SLC37A3: variants seen among roughly 807,000 people sequenced by gnomAD.
SLC37A3 encodes solute carrier family 37 member 3.
SLC37A3 carries 51 observed loss-of-function variants against 67.1 expected under a neutral mutation model. That is an observed-to-expected ratio of 0.76 (90% CI 0.61 to 0.96). The LOEUF is 0.96. Among genes scored for constraint, SLC37A3 ranks in the 40% least tolerant of loss-of-function variants. The pLI is 0.00. For missense variants in SLC37A3, 508 were observed against 603.0 expected (o/e 0.84, Z 1.65); for synonymous variants, 214 against 231.4 (o/e 0.92, Z 0.68).
chr7:140,381,871 G>A (rs1444881507), intron 2 of SLC37A3, among the ~76,000 whole-genome samples: 3 of 151,490 alleles, frequency 2.0e-5, no homozygotes, highest in African/African-American at 4.9e-5. Flanking sequence ...TTTAGTAGCC[G>A]GGCATGGTGA....
At chr7:140,342,803 C>T (rs567883138) in intron 13 of SLC37A3, among the ~76,000 whole-genome samples, 4 of 152,254 alleles carry the variant, frequency 2.6e-5, no homozygotes, top group South Asian at 2.1e-4. Context: ...TCTGTAGGTT[C>T]GAACTCAGCA....
intron 7 of SLC37A3, 58 bp downstream of exon 7, chr7:140,355,610 A>G: frequency 4.2e-6 from 6 of 1,417,822 alleles, no homozygotes; most frequent in Non-Finnish European, 6.0e-6. Flanking sequence ...ATAAAAAGCA[A>G]TACACATGTG....
chr7:140,364,539 T>C (rs765944908), intron 4 of SLC37A3, 48 bp from the exon 5 acceptor site: 45 of 1,561,852 alleles, frequency 2.9e-5, no homozygotes, highest in East Asian at 1.8e-4. Context: ...TAACACAGTA[T>C]GAAAAAGTAA....
At chr7:140,369,713 C>G in intron 3 of SLC37A3, 31 bp from the exon 4 acceptor site, 5 of 1,579,500 alleles carry the variant, frequency 3.2e-6, no homozygotes, top group Non-Finnish European at 4.3e-6. Context: ...CAGGTCAGTC[C>G]CTGTAGAATC....
At chr7:140,393,933 G>C (rs938808954) in intron 1 of SLC37A3, among the ~76,000 whole-genome samples, 6 of 152,180 alleles carry the variant, frequency 3.9e-5, no homozygotes, top group African/African-American at 1.4e-4. Flanking sequence ...CAGTTTGGGA[G>C]GCCAAGGCAG....
intron 2 of SLC37A3, among the ~76,000 whole-genome samples, chr7:140,380,645 A>G (rs1233884241): frequency 6.6e-6 from 1 of 152,088 alleles, no homozygotes; most frequent in East Asian, 1.9e-4. Flanking sequence ...CCTGGGCTCA[A>G]GCCAGCCTCC....
chr7:140,364,528 A>G (rs1797521820), intron 4 of SLC37A3, 37 bp from the exon 5 acceptor site: 1 of 1,581,362 alleles, frequency 6.3e-7, no homozygotes, highest in South Asian at 1.1e-5. Flanking sequence ...GCTCTAAATA[A>G]TAACACAGTA....
rs1034036766 is a variant in SLC37A3, at chr7:140,340,304, T to C, written c.1327-2955A>G. Reference sequence around the variant, plus strand: ...GGTCCAACCTCATTCTTTTTTTTTTTTTTCTTTCCTCTCCCACTCCTCAGC... The same window carrying C: ...GGTCCAACCTCATTCTTTTTTTTTTCTTTCTTTCCTCTCCCACTCCTCAGC... On this transcript the variant is annotated intron_variant, in intron 13 of 14. Coordinates refer to ENST00000326232, the MANE Select transcript of SLC37A3 (RefSeq NM_207113.3). 5.2e-3 allele frequency among the ~76,000 whole-genome samples: 783 copies of C among 151,986 alleles called. 5 individuals carry two copies. The highest frequency in any genetic ancestry group is 7.3e-3 in the South Asian group (35 of 4,816).
At chr7:140,390,752 G>A (rs575114084) in intron 1 of SLC37A3, among the ~76,000 whole-genome samples, 21 of 152,222 alleles carry the variant, frequency 1.4e-4, no homozygotes, top group African/African-American at 5.1e-4. Context: ...CTGAAGCCTG[G>A]TAGCTGGATT....
At chr7:140,375,948 G>A (rs2129729193) in intron 3 of SLC37A3, among the ~76,000 whole-genome samples, 1 of 152,296 alleles carries the variant, frequency 6.6e-6, no homozygotes, top group South Asian at 2.1e-4. Flanking sequence ...CAACCGCAGT[G>A]TTCCATCCTT....
Position 140,334,953 on chromosome 7 carries a change from C to A in SLC37A3, c.*459G>T. 1 of 352,202 alleles carries A rather than the reference C, an allele frequency of 2.8e-6. No homozygotes were observed. Among genetic ancestry groups the A allele is most frequent in the South Asian group, 2.7e-5 (1 of 37,628 alleles). 21.8% of individuals were successfully genotyped at this position (352,202 alleles called of 1,614,324 possible). ...GATTTGATGCTTCAAAGATGACCCA[C>A]TCTCTGTAAACTCATTACCAAAGCA... On this transcript the variant is annotated 3_prime_UTR_variant, in exon 15 of 15. Transcript: ENST00000326232.
intron 1 of SLC37A3, among the ~76,000 whole-genome samples, chr7:140,388,116 G>C (rs1334451542): frequency 7.1e-6 from 1 of 141,692 alleles, no homozygotes; most frequent in Non-Finnish European, 1.5e-5. Context: ...TATTTTAAAA[G>C]ACAAAAAAAA....
At chr7:140,362,710 C>T (rs1227418177) in intron 5 of SLC37A3, among the ~76,000 whole-genome samples, 2 of 82,052 alleles carry the variant, frequency 2.4e-5, no homozygotes, top group Non-Finnish European at 5.3e-5. Flanking sequence ...GCCAGCCGCC[C>T]AGTCCGGGAG....
intron 8 of SLC37A3, chr7:140,351,699 T>C: frequency 1.7e-6 from 1 of 572,366 alleles, no homozygotes; most frequent in South Asian, 2.2e-5. Flanking sequence ...TGTATTTAAC[T>C]ACAGGTTAAG....
chr7:140,369,537 C>T, intron 4 of SLC37A3, 53 bp downstream of exon 4: 1 of 1,479,580 alleles, frequency 6.8e-7, no homozygotes, highest in Non-Finnish European at 9.4e-7. Context: ...GGCTCAGGGT[C>T]ATTTATATTT....
intron 8 of SLC37A3, 86 bp downstream of exon 8, chr7:140,351,974 GAA>G (rs1796824082): frequency 7.5e-7 from 1 of 1,328,236 alleles, no homozygotes; most frequent in Non-Finnish European, 1.1e-6. Context: ...GTTTTCCTAG[GAA>G]AAAAGAGATT....
chr7:140,339,638 C>T (rs1356543766), intron 13 of SLC37A3, among the ~76,000 whole-genome samples: 1 of 151,968 alleles, frequency 6.6e-6, no homozygotes. Context: ...TTGGAAGAAG[C>T]ACCAAAGTAT....
intron 4 of SLC37A3, among the ~76,000 whole-genome samples, chr7:140,367,295 G>T (rs1422351773): frequency 2.6e-5 from 4 of 151,958 alleles, no homozygotes; most frequent in African/African-American, 9.7e-5. Context: ...ACATTAGCTG[G>T]GCATGATGGT....
Position 140,364,503 on chromosome 7 carries a change from G to A in SLC37A3, c.292-12C>T, listed in dbSNP as rs532778470. ...CTGATGAATAGGCCCTAAAAATAAA[G>A]CATTTTCTTTTACAGCTCTAAATAA... is the stretch of plus-strand genomic sequence containing the variant. On this transcript the variant is annotated splice_polypyrimidine_tract_variant and intron_variant, in intron 4 of 14. Coordinates refer to ENST00000326232, the MANE Select transcript of SLC37A3 (RefSeq NM_207113.3). 3 of 1,611,390 alleles carry A rather than the reference G, an allele frequency of 1.9e-6. No homozygotes were observed. The South Asian group carries it at 3.3e-5, about 18-fold the overall frequency.
Sources: allele counts gnomAD v4.1 joint callset (sites outside exome capture counted in the v4.1 genomes callset), GRCh38; gene constraint gnomAD v4.1.1; transcripts MANE v1.5; gene names NCBI Gene and HGNC (gene_info 2026-07-23, HGNC 2026-07-21).